Variants in DNAH11 observed in about 807,000 individuals in gnomAD.
DNAH11 encodes the protein dynein axonemal heavy chain 11.
DNAH11 carries 442 observed loss-of-function variants against 526.0 expected under a neutral mutation model. The observed-to-expected ratio is 0.84, with a 90% CI of 0.78 to 0.91. The LOEUF (loss-of-function observed/expected upper bound fraction) is 0.91, where lower values mean the gene tolerates loss of function less well. Ranked by LOEUF, DNAH11 falls within the 40% of genes least tolerant of loss-of-function variation. DNAH11 has a pLI of 0.00. For missense variants in DNAH11, 6,989 were observed against 5,448.7 expected, an observed-to-expected ratio of 1.28 and a Z score of -8.90; for synonymous variants, 2,461 against 1,935.9, an observed-to-expected ratio of 1.27 and a Z score of -7.12.
intron 28 of DNAH11, among the ~76,000 whole-genome samples, chr7:21,646,039 AT>A (rs1236138407): frequency 1.3e-5 from 2 of 152,224 alleles, no homozygotes; most frequent in African/African-American, 2.4e-5. Flanking sequence ...GGTGTTGGCA[AT>A]GCAAACAAAA....
chr7:21,624,006 A>G (rs2128455836), intron 25 of DNAH11, among the ~76,000 whole-genome samples: 1 of 151,728 alleles, frequency 6.6e-6, no homozygotes, highest in Non-Finnish European at 1.5e-5. Context: ...AAAAAAAAAG[A>G]ATCCACTTTC....
intron 68 of DNAH11, among the ~76,000 whole-genome samples, chr7:21,855,344 A>G (rs1276675963): frequency 1.3e-5 from 2 of 152,142 alleles, no homozygotes; most frequent in African/African-American, 2.4e-5. Context: ...AGACTCTTTA[A>G]GGGAATTTTC....
intron 25 of DNAH11, 62 bp from the exon 26 acceptor site, chr7:21,635,809 C>A: frequency 1.5e-6 from 2 of 1,354,332 alleles, no homozygotes; most frequent in South Asian, 1.4e-5. Context: ...TAGTGCCTCC[C>A]TCATAGCACT....
intron 9 of DNAH11, among the ~76,000 whole-genome samples, chr7:21,583,460 G>T (rs1481820799): frequency 6.6e-6 from 1 of 152,088 alleles, no homozygotes; most frequent in African/African-American, 2.4e-5. Context: ...TTACATGTAA[G>T]ACCTAAAACC....
At chr7:21,645,495 A>G (rs1562724755) in intron 28 of DNAH11, among the ~76,000 whole-genome samples, 1 of 152,178 alleles carries the variant, frequency 6.6e-6, no homozygotes, top group Non-Finnish European at 1.5e-5. Flanking sequence ...GGCCAACGGC[A>G]TGAGAAGCTG....
chr7:21,732,347 T>C (rs927713416), intron 45 of DNAH11, among the ~76,000 whole-genome samples: 2 of 152,312 alleles, frequency 1.3e-5, no homozygotes, highest in Middle Eastern at 3.4e-3. Context: ...CAGATTGGGT[T>C]AGGGCTCAGT....
At chr7:21,578,474 A>C (rs1784185841) in intron 8 of DNAH11, among the ~76,000 whole-genome samples, 1 of 152,186 alleles carries the variant, frequency 6.6e-6, no homozygotes, top group African/African-American at 2.4e-5. Flanking sequence ...CAGCCCCCAC[A>C]ACTGCTTTCA....
At chr7:21,746,874 A>G (rs761581713) in intron 51 of DNAH11, among the ~76,000 whole-genome samples, 57 of 152,178 alleles carry the variant, frequency 3.7e-4, no homozygotes, top group African/African-American at 1.3e-3. Flanking sequence ...GGTTGGGTTA[A>G]TATACAGTCA....
chr7:21,571,704 G>T, intron 7 of DNAH11, 102 bp from the exon 8 acceptor site: 1 of 783,454 alleles, frequency 1.3e-6, no homozygotes, highest in South Asian at 3.5e-5. Context: ...TTCTGTCATT[G>T]ACTCATTGAT....
At chr7:21,701,289 CT>C (rs61172341) in intron 36 of DNAH11, among the ~76,000 whole-genome samples, 3,362 of 136,516 alleles carry the variant, frequency 0.025, 107 homozygotes, top group East Asian at 0.2. Flanking sequence ...ACACTTTTTA[CT>C]TTTTTTTTTT....
chr7:21,816,703 G>T lies in DNAH11; in HGVS notation c.10568+1G>T. On this transcript the variant is annotated splice_donor_variant, in intron 64 of 81. Coordinates refer to ENST00000409508, the MANE Select transcript of DNAH11 (RefSeq NM_001277115.2). LOFTEE classifies it high-confidence loss of function. ...AAGTCACACATTTGGGCCAGAAAGGGTATGTGAAGTTTGAAGAGACTGGCT... is the reference window on the plus strand; with the variant it reads ...AAGTCACACATTTGGGCCAGAAAGGTTATGTGAAGTTTGAAGAGACTGGCT... 1.2e-6 allele frequency: 2 copies of T among 1,612,546 alleles called. No homozygotes were observed. Among genetic ancestry groups the T allele is most frequent in the Non-Finnish European group, 1.7e-6 (2 of 1,179,146 alleles).
At position 21,564,234 on chromosome 7, in the gene DNAH11, G is replaced by C. The variant is rs1043818158; in HGVS notation, c.1031G>C (p.Arg344Thr). ...DVELYLRPLR[R>T]HIQCLQETEF... ...GAACTTTACCTGAGACCTCTGAGGA[G>C]ACACATCCAGTGTCTCCAGGAGACG... Residue 344 changes from arginine (R) to threonine (T), a missense_variant, in exon 6 of 82, where the codon AGA becomes ACA. Coordinates refer to ENST00000409508, the MANE Select transcript of DNAH11 (RefSeq NM_001277115.2). 2 of 1,612,538 alleles carry C rather than the reference G, an allele frequency of 1.2e-6. No homozygotes were observed. Among genetic ancestry groups the C allele is most frequent in the South Asian group, 1.1e-5 (1 of 90,762 alleles).
intron 62 of DNAH11, among the ~76,000 whole-genome samples, chr7:21,803,101 A>C (rs974704608): frequency 2.6e-4 from 40 of 152,256 alleles, no homozygotes; most frequent in African/African-American, 9.4e-4. Flanking sequence ...ATATCTAAAA[A>C]GTAATAAAAT....
At chr7:21,858,464 A>G (rs769105960) in intron 68 of DNAH11, among the ~76,000 whole-genome samples, 1 of 152,230 alleles carries the variant, frequency 6.6e-6, no homozygotes, top group Non-Finnish European at 1.5e-5. Context: ...TCTAAAAACA[A>G]TCCAAAGGAC....
Position 21,571,946 on chromosome 7 carries a change from T to G in DNAH11, c.1566T>G (p.Thr522=). The G allele has an allele frequency of 6.3e-7, 1 of 1,588,610 alleles. No individual in the cohort carries two copies. Among genetic ancestry groups the G allele is most frequent in the Non-Finnish European group, 8.5e-7 (1 of 1,170,300 alleles). The change falls in exon 8 of 82, where the codon ACT becomes ACG. Residue 522 remains threonine (T), a synonymous_variant. Transcript: ENST00000409508. ...TCTGTAAACTTTTTAAACAGAGCACTTATGACCCATCTGATTGCACTAACA... is the reference window on the plus strand; with the variant it reads ...TCTGTAAACTTTTTAAACAGAGCACGTATGACCCATCTGATTGCACTAACA... ...MELCKLFKQS[T]YDPSDCTNME...
At chr7:21,806,948 C>T (rs1051501398) in intron 62 of DNAH11, among the ~76,000 whole-genome samples, 3 of 152,074 alleles carry the variant, frequency 2.0e-5, no homozygotes, top group African/African-American at 7.2e-5. Flanking sequence ...GTCATAGCTT[C>T]CTCCACTGAT....
At chr7:21,724,028 C>G (rs1784981406) in intron 44 of DNAH11, among the ~76,000 whole-genome samples, 1 of 152,136 alleles carries the variant, frequency 6.6e-6, no homozygotes, top group South Asian at 2.1e-4. Context: ...AGGAGAGACT[C>G]TGTTGGTTTT....
chr7:21,650,970 C>A (rs1381643644), intron 28 of DNAH11, among the ~76,000 whole-genome samples: 4 of 143,908 alleles, frequency 2.8e-5, no homozygotes, highest in Admixed American at 1.4e-4. Context: ...AAAAAAAAAA[C>A]ACATGCAACT....
intron 28 of DNAH11, among the ~76,000 whole-genome samples, chr7:21,654,340 G>C (rs141507483): frequency 6.6e-6 from 1 of 152,098 alleles, no homozygotes; most frequent in African/African-American, 2.4e-5. Flanking sequence ...AAGATACGAC[G>C]TGTGGTATAT....
Sources: gnomAD v4.1 joint callset for allele counts (sites outside exome capture counted in the v4.1 genomes callset) on GRCh38, gnomAD v4.1.1 for gene constraint, MANE v1.5 for transcripts, NCBI Gene and HGNC (gene_info 2026-07-23, HGNC 2026-07-21) for gene names.